The following CFAP92 variants were observed in gnomAD, a reference collection of about 807,000 sequenced individuals.
CFAP92 encodes cilia and flagella associated protein 92 (putative), also known as uncharacterized protein CFAP92.
CFAP92 carries 86 observed loss-of-function variants against 106.3 expected under a neutral mutation model. The observed-to-expected ratio is 0.81, with a 90% CI of 0.68 to 0.97. The LOEUF (loss-of-function observed/expected upper bound fraction) is 0.97, where lower values mean the gene tolerates loss of function less well. CFAP92 is among the 50% of genes least tolerant of loss of function. The pLI is 0.00. For synonymous variants in CFAP92, 477 were observed against 506.4 expected (o/e 0.94, Z 0.78); for missense variants, 1,204 against 1,283.8 (o/e 0.94, Z 0.95).
intron 8 of CFAP92, chr3:128,968,013 G>A (rs1375076399): frequency 6.6e-6 from 1 of 152,238 alleles, no homozygotes; most frequent in Non-Finnish European, 1.5e-5. Flanking sequence ...CCTGAGTTAA[G>A]AGCCCTGGTT....
chr3:128,929,951 AAAAATT>A (rs1938159320), intron 12 of CFAP92, among the ~76,000 whole-genome samples: 1 of 152,220 alleles, frequency 6.6e-6, no homozygotes, highest in African/African-American at 2.4e-5. Flanking sequence ...AAAAATGTGA[AAAAATT>A]AAATTATGGT....
intron 1 of CFAP92, among the ~76,000 whole-genome samples, chr3:128,999,789 C>G (rs1413733364): frequency 6.6e-6 from 1 of 152,010 alleles, no homozygotes; most frequent in Non-Finnish European, 1.5e-5. Flanking sequence ...GCAATCCACC[C>G]GCCTCGGCCT....
At chr3:128,957,087 C>T (rs1223464310) in intron 9 of CFAP92, among the ~76,000 whole-genome samples, 3 of 150,380 alleles carry the variant, frequency 2.0e-5, no homozygotes, top group Non-Finnish European at 3.0e-5. Context: ...AGACAAAGAA[C>T]AACTAAAAGA....
chr3:128,992,015 G>T, intron 2 of CFAP92: 2 of 295,736 alleles, frequency 6.8e-6, no homozygotes, highest in Non-Finnish European at 1.0e-5. Flanking sequence ...GCCCTCCTGT[G>T]TGTCCGTGTT....
In CFAP92 at chr3:128,928,893, T is replaced by C. The variant is rs370820598; in HGVS notation, c.2751+3807A>G. On this transcript the variant is annotated intron_variant, in intron 12 of 15. Coordinates refer to ENST00000645291, the MANE Select transcript of CFAP92 (RefSeq NM_001394090.1). ...AGAAAATATTTGCAAATCATATTTCTCATTAAGTACTTGTATCCAGAATAT... is the reference window on the plus strand; with the variant it reads ...AGAAAATATTTGCAAATCATATTTCCCATTAAGTACTTGTATCCAGAATAT... Among the ~76,000 whole-genome samples, 20 of 152,332 alleles carry C rather than the reference T, an allele frequency of 1.3e-4. 1 individual carries two copies. Among genetic ancestry groups the C allele is most frequent in the Admixed American group, 4.6e-4 (7 of 15,306 alleles).
chr3:128,943,054 G>A (rs1939818429), intron 10 of CFAP92, among the ~76,000 whole-genome samples: 1 of 151,326 alleles, frequency 6.6e-6, no homozygotes, highest in South Asian at 2.1e-4. Context: ...TGAGTAGCTG[G>A]GATTACAGGC....
intron 10 of CFAP92, among the ~76,000 whole-genome samples, chr3:128,937,427 C>T (rs566752845): frequency 2.6e-5 from 4 of 151,932 alleles, no homozygotes; most frequent in African/African-American, 7.2e-5. Flanking sequence ...GGTGAAACCC[C>T]GTCTCTACTA....
At chr3:128,935,348 C>T in intron 10 of CFAP92, 29 bp from the exon 11 acceptor site, 1 of 1,443,378 alleles carries the variant, frequency 6.9e-7, no homozygotes, top group Non-Finnish European at 9.2e-7. Flanking sequence ...CAAGAGCTAA[C>T]TTGCATGGCA....
chr3:128,993,136 A>G lies in CFAP92; in HGVS notation c.169T>C (p.Ser57Pro). ...AAAGTGCTGGCAGGCTCAGATGAGGACTCGATGCTGCTGCACGGGCGGTCA... is the reference window on the plus strand; with the variant it reads ...AAAGTGCTGGCAGGCTCAGATGAGGGCTCGATGCTGCTGCACGGGCGGTCA... ...DSDRPCSSIE[S>P]SSEPASTFSS... is the part of the protein sequence containing the mutation. The change falls in exon 2 of 16, where the codon TCC (serine) becomes CCC (proline). Residue 57 changes from serine (S) to proline (P), a missense_variant. Transcript: ENST00000645291. The G allele has an allele frequency of 6.2e-7, 1 of 1,613,952 alleles. No individual in the cohort carries two copies. The highest frequency in any genetic ancestry group is 8.5e-7 in the Non-Finnish European group (1 of 1,179,864).
chr3:128,915,064 C>T, intron 15 of CFAP92, 55 bp downstream of exon 15: 1 of 1,512,328 alleles, frequency 6.6e-7, no homozygotes, highest in Non-Finnish European at 8.8e-7. Flanking sequence ...TGGCACAGAG[C>T]TCCTGCCTGC....
rs778832147 is a variant in CFAP92, at chr3:128,911,967, G to A, written c.3281-1634C>T. ...TGCTCTTCCTCTTCTATAGCCACTC[G>A]ACCATATCTAGGAATGCCCAGCTCA... On this transcript the variant is annotated intron_variant, in intron 15 of 15. Coordinates refer to ENST00000645291, the MANE Select transcript of CFAP92 (RefSeq NM_001394090.1). 2.6e-5 allele frequency among the ~76,000 whole-genome samples: 4 copies of A among 152,282 alleles called. No homozygotes were observed. In the South Asian group the frequency reaches 8.3e-4, roughly 32 times the overall value.
the CFAP92 span, among the ~76,000 whole-genome samples, chr3:129,022,859 G>A: frequency 2.1e-4 from 32 of 152,296 alleles, no homozygotes; most frequent in Non-Finnish European, 2.8e-4. Flanking sequence ...TGGGAGTCGC[G>A]GGCCGGAAAG....
At chr3:128,912,555 T>C in intron 15 of CFAP92, 1 of 1,614,096 alleles carries the variant, frequency 6.2e-7, no homozygotes, top group East Asian at 2.2e-5. Context: ...TCCCAGCAGA[T>C]CCTTGAGAAG....
At chr3:128,977,136 A>C (rs1393909338) in intron 5 of CFAP92, 70 bp from the exon 6 acceptor site, 4 of 1,234,174 alleles carry the variant, frequency 3.2e-6, no homozygotes, top group Non-Finnish European at 4.7e-6. Context: ...AGGGCCCCTG[A>C]CCCATTTCTG....
chr3:128,994,844 TG>T (rs1944421688), upstream of CFAP92, among the ~76,000 whole-genome samples: 1 of 151,992 alleles, frequency 6.6e-6, no homozygotes, highest in South Asian at 2.1e-4. Context: ...ACGCCAAATC[TG>T]GGGGGTGACT....
intron 15 of CFAP92, among the ~76,000 whole-genome samples, chr3:128,911,682 TC>T (rs1398898077): frequency 6.6e-6 from 1 of 152,174 alleles, no homozygotes; most frequent in African/African-American, 2.4e-5. Context: ...CCTCAGGTGA[TC>T]CGCCCACCTT....
chr3:128,979,133 C>A (rs1424783127), intron 4 of CFAP92, among the ~76,000 whole-genome samples: 1 of 152,160 alleles, frequency 6.6e-6, no homozygotes, highest in East Asian at 1.9e-4. Context: ...AACAAGTGGG[C>A]AAAGGATATG....
chr3:128,911,313 C>T (rs556517900), intron 15 of CFAP92, among the ~76,000 whole-genome samples: 43 of 152,256 alleles, frequency 2.8e-4, no homozygotes, highest in African/African-American at 9.9e-4. Context: ...CTGCCTCAGC[C>T]TCCAAAAATG....
In CFAP92 at chr3:128,935,415, A is replaced by T. The variant is rs922792876; in HGVS notation, c.2259-96T>A. On this transcript the variant is annotated intron_variant, in intron 10 of 15. Transcript: ENST00000645291. ...GTCAGGTACAGCTTTTATGTTATTT[A>T]AAAACAAACCCAGGGGCCGGGTATG... is the stretch of plus-strand genomic sequence containing the variant. 3.7e-6 allele frequency: 3 copies of T among 814,138 alleles called. No homozygotes were observed. In the Admixed American group the frequency reaches 8.9e-5, roughly 24 times the overall value. 50.4% of individuals were successfully genotyped at this position (814,138 alleles called of 1,614,324 possible).
Sources: allele counts gnomAD v4.1 joint callset (sites outside exome capture counted in the v4.1 genomes callset), GRCh38; gene constraint gnomAD v4.1.1; transcripts MANE v1.5; gene names NCBI Gene and HGNC (gene_info 2026-07-23, HGNC 2026-07-21).